Variants in PCNT observed in about 807,000 individuals in gnomAD.
The protein encoded by PCNT is kendrin.
PCNT carries 319 observed loss-of-function variants against 380.4 expected under a neutral mutation model. The observed-to-expected ratio is 0.84, with a 90% confidence interval of 0.77 to 0.92. The LOEUF (loss-of-function observed/expected upper bound fraction) is 0.92, where lower values mean the gene tolerates loss of function less well. PCNT is among the 40% of genes least tolerant of loss of function. The probability of loss-of-function intolerance (pLI) is 0.00; values close to 1 mark genes in which losing one functional copy is unlikely to be tolerated. For missense variants in PCNT, 4,400 were observed against 4,255.3 expected, an observed-to-expected ratio of 1.03 and a Z score of -0.95; for synonymous variants, 1,845 against 1,735.2, an observed-to-expected ratio of 1.06 and a Z score of -1.57.
chr21:46,361,359 C>G (rs146163149), intron 13 of PCNT, among the ~76,000 whole-genome samples: 3 of 152,338 alleles, frequency 2.0e-5, no homozygotes, highest in Non-Finnish European at 4.4e-5. Flanking sequence ...CCACTGCATT[C>G]CAGCCTGAGC....
Position 46,445,618 on chromosome 21 carries a change from C to A in PCNT, c.*291C>A. The A allele has an allele frequency of 2.2e-6, 1 of 446,306 alleles. No homozygotes were observed. The allele number at this position is 446,306 out of a possible 1,614,324, so 27.6% of individuals were successfully genotyped here. A position where few individuals can be genotyped will look rare whatever the true frequency, so the allele number is the denominator to read the frequency against. ...GCTGTTGTGTGCCTATCGGCAGATC[C>A]ATCCTTCCTGCCTCCAAGGAGGATA... On this transcript the variant is annotated 3_prime_UTR_variant, in exon 47 of 47. Coordinates refer to ENST00000359568, the MANE Select transcript of PCNT (RefSeq NM_006031.6).
chr21:46,343,460 T>TA (rs34516535), intron 3 of PCNT, among the ~76,000 whole-genome samples: 1 of 152,214 alleles, frequency 6.6e-6, no homozygotes, highest in African/African-American at 2.4e-5. Context: ...TGTTGAACCT[T>TA]CATCCCTGGT....
chr21:46,385,984 G>T lies in PCNT; in HGVS notation c.3464+1G>T. The T allele has an allele frequency of 6.2e-7, 1 of 1,614,034 alleles. No homozygotes were observed. The highest frequency in any genetic ancestry group is 8.5e-7 in the Non-Finnish European group (1 of 1,180,008). The stretch of plus-strand genomic sequence containing the variant: ...ACGTCAACCTGTCCCACAGCGAAAG[G>T]TCAGTGTGTCCTCGGCACCGAGGCT... On this transcript the variant is annotated splice_donor_variant, in intron 17 of 46. Coordinates refer to ENST00000359568, the MANE Select transcript of PCNT (RefSeq NM_006031.6). LOFTEE classifies it high-confidence loss of function.
At chr21:46,407,783 G>C (rs9974521) in intron 27 of PCNT, among the ~76,000 whole-genome samples, 101,425 of 151,978 alleles carry the variant, frequency 0.67, 34,482 homozygotes, top group African/African-American at 0.78. Context: ...TCTTGAGTCT[G>C]TCTAGCTAGT....
intron 37 of PCNT, chr21:46,430,988 C>T: frequency 4.1e-6 from 4 of 985,434 alleles, no homozygotes; most frequent in Non-Finnish European, 4.8e-6. Flanking sequence ...GTGCACAAGG[C>T]AGGCTGGTGG....
At chr21:46,342,011 G>A (rs116242815) in intron 3 of PCNT, among the ~76,000 whole-genome samples, 3,195 of 149,650 alleles carry the variant, frequency 0.021, 47 homozygotes, top group African/African-American at 0.042. Flanking sequence ...ATGCAAATTC[G>A]GCTCATTGCA....
chr21:46,444,404 G>A (rs1484362757), intron 45 of PCNT, among the ~76,000 whole-genome samples: 1 of 152,200 alleles, frequency 6.6e-6, no homozygotes, highest in Non-Finnish European at 1.5e-5. Context: ...AGGAAAGGCA[G>A]GTGAGACCTG....
Position 46,428,393 on chromosome 21 carries a change from AG to A in PCNT, c.7496del. On this transcript the variant is annotated splice_acceptor_variant, in intron 34 of 46. Coordinates refer to ENST00000359568, the MANE Select transcript of PCNT (RefSeq NM_006031.6). LOFTEE classifies it high-confidence loss of function. ...AGGCTGCTTGTCCCATTGTGCCCCC[AG>A]GGAGACCTGCAGGAAAAGTCCCTGG... is the stretch of plus-strand genomic sequence containing the variant. 1 of 1,611,830 alleles carries A rather than the reference AG, an allele frequency of 6.2e-7. No homozygotes were observed.
At chr21:46,371,991 ATG>A (rs1491212832) in intron 15 of PCNT, among the ~76,000 whole-genome samples, 2 of 143,724 alleles carry the variant, frequency 1.4e-5, no homozygotes, top group African/African-American at 5.0e-5. Context: ...CATGCAGCAC[ATG>A]CACACACACA....
At chr21:46,379,604 C>G (rs914365684) in intron 15 of PCNT, among the ~76,000 whole-genome samples, 2 of 152,154 alleles carry the variant, frequency 1.3e-5, no homozygotes, top group African/African-American at 4.8e-5. Context: ...GCCCCACAGG[C>G]CTTGGAGACT....
chr21:46,363,818 C>G lies in PCNT; in HGVS notation c.2493C>G (p.Asp831Glu), dbSNP rs376057743. Residue 831 changes from aspartate (D) to glutamate (E), a missense_variant, in exon 14 of 47, where the codon GAC becomes GAG. Transcript: ENST00000359568. ...AGCTGGAACAGGACCTCACTTCAGA[C>G]GACGCCCTGCATTGCAGCCAGTGTG... ...LQQLEQDLTSDDALHCSQCGR... is the reference protein window; with the variant it reads ...LQQLEQDLTSEDALHCSQCGR... 6.2e-7 allele frequency: 1 copy of G among 1,612,580 alleles called. No individual in the cohort carries two copies. The highest frequency in any genetic ancestry group is 8.5e-7 in the Non-Finnish European group (1 of 1,179,178).
intron 27 of PCNT, among the ~76,000 whole-genome samples, chr21:46,406,593 T>C (rs76548728): frequency 0.06 from 9,076 of 152,302 alleles, 348 homozygotes; most frequent in Non-Finnish European, 0.085. Flanking sequence ...ATTTTTGTTA[T>C]TTCCTTCTTT....
intron 2 of PCNT, 122 bp downstream of exon 2, chr21:46,326,711 T>C: frequency 6.4e-6 from 7 of 1,095,716 alleles, no homozygotes; most frequent in South Asian, 1.3e-5. Flanking sequence ...GAGGGTGTTA[T>C]TTTAGTTTAT....
At position 46,431,509 on chromosome 21, in the gene PCNT, C is replaced by T. The variant is rs1422911459; in HGVS notation, c.8065-20C>T. Reference sequence around the variant, plus strand: ...TTCCTCTTGATTCAGTGTCTCCCATCGTATGTGTTTGCTGTCTAGGAGCTG... The same window carrying T: ...TTCCTCTTGATTCAGTGTCTCCCATTGTATGTGTTTGCTGTCTAGGAGCTG... On this transcript the variant is annotated intron_variant, in intron 37 of 46. Transcript: ENST00000359568. 6.2e-6 allele frequency: 10 copies of T among 1,613,774 alleles called. No homozygotes were observed. The highest frequency in any genetic ancestry group is 4.5e-5 in the East Asian group (2 of 44,898).
intron 37 of PCNT, chr21:46,431,296 C>G: frequency 5.0e-6 from 7 of 1,397,612 alleles, no homozygotes; most frequent in Non-Finnish European, 6.5e-6. Flanking sequence ...GGGAACATCT[C>G]TGAACCCAGG....
At chr21:46,359,480 G>GTTTGTTTTTTTTTTTT (rs2084610347) in intron 13 of PCNT, among the ~76,000 whole-genome samples, 1 of 65,732 alleles carries the variant, frequency 1.5e-5, no homozygotes, top group Non-Finnish European at 3.4e-5. Context: ...AAATACACCT[G>GTTTGTTTTTTTTTTTT]TTTTTTTTTT....
chr21:46,431,611 A>G lies in PCNT; in HGVS notation c.8147A>G (p.Asp2716Gly), dbSNP rs761874167. Residue 2716 changes from aspartate (D) to glycine (G), a missense_variant, in exon 38 of 47, where the codon GAC (aspartate) becomes GGC (glycine). Coordinates refer to ENST00000359568, the MANE Select transcript of PCNT (RefSeq NM_006031.6). ...CTGAAACACGAGCAGACGGCCAAGG[A>G]CAACCTGCAGAAGGAGCTGCGTATC... is the stretch of plus-strand genomic sequence containing the variant. ...VALKHEQTAK[D>G]NLQKELRIEH... 6.2e-7 allele frequency: 1 copy of G among 1,614,046 alleles called. No homozygotes were observed.
At chr21:46,377,736 T>C (rs2147091283) in intron 15 of PCNT, among the ~76,000 whole-genome samples, 1 of 152,264 alleles carries the variant, frequency 6.6e-6, no homozygotes, top group East Asian at 1.9e-4. Flanking sequence ...TAGTTCCAGC[T>C]ACTCAGAGGC....
Position 46,416,207 on chromosome 21 carries a change from CTG to C in PCNT, c.6292_6293del (p.Trp2098AlafsTer14), listed in dbSNP as rs2087020476. 1.2e-6 allele frequency: 2 copies of C among 1,614,202 alleles called. No homozygotes were observed. The highest frequency in any genetic ancestry group is 1.7e-6 in the Non-Finnish European group (2 of 1,180,026). Reference sequence around the variant, plus strand: ...TGTGGATGCTGCCGACACCAAATCTCTGTGGCCCATGGCCTCAGCACACCTGT... The same window carrying C: ...TGTGGATGCTGCCGACACCAAATCTCTGGCCCATGGCCTCAGCACACCTGT... ...QNVDAADTKS[L>X]WPMASAHLLE... On this transcript the variant is annotated frameshift_variant, in exon 30 of 47. Coordinates refer to ENST00000359568, the MANE Select transcript of PCNT (RefSeq NM_006031.6). LOFTEE classifies it high-confidence loss of function.
Sources: gnomAD v4.1 joint callset for allele counts (sites outside exome capture counted in the v4.1 genomes callset) on GRCh38, gnomAD v4.1.1 for gene constraint, MANE v1.5 for transcripts, NCBI Gene and HGNC (gene_info 2026-07-23, HGNC 2026-07-21) for gene names.